SYNJ1: variants seen among roughly 807,000 people sequenced by gnomAD.
SYNJ1 encodes polyphosphatidylinositol phosphatase SYNJ1.
SYNJ1 carries 78 observed loss-of-function variants against 168.2 expected under a neutral mutation model. The observed-to-expected ratio is 0.46, with a 90% confidence interval of 0.39 to 0.56. The LOEUF (loss-of-function observed/expected upper bound fraction) is 0.56, where lower values mean the gene tolerates loss of function less well. SYNJ1 is among the 20% of genes least tolerant of loss of function. SYNJ1 has a pLI of 0.00. For synonymous variants in SYNJ1, 539 were observed against 548.6 expected, an observed-to-expected ratio of 0.98 and a Z score of 0.24; for missense variants, 1,303 against 1,597.6, an observed-to-expected ratio of 0.82 and a Z score of 3.14.
chr21:32,708,433 C>T (rs190578883), intron 2 of SYNJ1, among the ~76,000 whole-genome samples: 8 of 152,198 alleles, frequency 5.3e-5, no homozygotes, highest in South Asian at 2.1e-4. Flanking sequence ...ATTAAACAAA[C>T]GAGATGCTAG....
At chr21:32,673,218 A>C in intron 14 of SYNJ1, 122 bp downstream of exon 14, 1 of 809,456 alleles carries the variant, frequency 1.2e-6, no homozygotes, top group Non-Finnish European at 1.7e-6. Context: ...GTTGGTCTTC[A>C]AATGTATAGC....
intron 4 of SYNJ1, among the ~76,000 whole-genome samples, chr21:32,696,698 T>C (rs1006721466): frequency 2.6e-5 from 4 of 152,184 alleles, no homozygotes; most frequent in African/African-American, 9.7e-5. Context: ...TAGCATTATC[T>C]TGAAGACTCA....
chr21:32,701,216 C>T (rs1442905661), intron 3 of SYNJ1, among the ~76,000 whole-genome samples: 2 of 152,138 alleles, frequency 1.3e-5, no homozygotes, highest in Non-Finnish European at 1.5e-5. Context: ...TGACAAATCT[C>T]CATTTTATAG....
At chr21:32,661,547 G>T (rs187421528) in intron 18 of SYNJ1, among the ~76,000 whole-genome samples, 11 of 152,218 alleles carry the variant, frequency 7.2e-5, no homozygotes, top group African/African-American at 2.6e-4. Flanking sequence ...TCACATAACG[G>T]GCCGGTGTTT....
chr21:32,634,098 G>T (rs1273003427), intron 32 of SYNJ1, among the ~76,000 whole-genome samples: 1 of 152,212 alleles, frequency 6.6e-6, no homozygotes, highest in African/African-American at 2.4e-5. Flanking sequence ...TAGGAAAGGA[G>T]AATTTTGTGC....
chr21:32,725,430 T>C (rs1281173692), intron 2 of SYNJ1, among the ~76,000 whole-genome samples: 2 of 152,368 alleles, frequency 1.3e-5, no homozygotes, highest in East Asian at 1.9e-4. Context: ...TCCATACTGA[T>C]TGAGTATAGC....
intron 4 of SYNJ1, among the ~76,000 whole-genome samples, chr21:32,698,914 T>C (rs2042302012): frequency 6.6e-6 from 1 of 152,186 alleles, no homozygotes; most frequent in African/African-American, 2.4e-5. Flanking sequence ...GAAACGTGAG[T>C]AACACAGTTT....
chr21:32,696,120 G>A (rs888312606), intron 4 of SYNJ1, among the ~76,000 whole-genome samples: 4 of 152,120 alleles, frequency 2.6e-5, no homozygotes, highest in African/African-American at 9.7e-5. Flanking sequence ...CCAAAGTGCT[G>A]GGATTACAGG....
At chr21:32,714,544 A>C (rs2042954423) in intron 2 of SYNJ1, among the ~76,000 whole-genome samples, 1 of 152,196 alleles carries the variant, frequency 6.6e-6, no homozygotes, top group African/African-American at 2.4e-5. Flanking sequence ...TAGACTTGGT[A>C]ATAGAGAGAA....
intron 2 of SYNJ1, among the ~76,000 whole-genome samples, chr21:32,707,949 G>A (rs926057521): frequency 1.6e-4 from 25 of 152,234 alleles, no homozygotes; most frequent in African/African-American, 5.5e-4. Flanking sequence ...CCTGGGAGGC[G>A]GAGGTTGCAG....
Position 32,695,327 on chromosome 21 carries a change from A to T in SYNJ1, c.480-45T>A. 3 of 1,541,954 alleles carry T rather than the reference A, an allele frequency of 1.9e-6. No individual in the cohort carries two copies. In the South Asian group the frequency reaches 3.6e-5, roughly 18 times the overall value. On this transcript the variant is annotated intron_variant, in intron 4 of 32. Transcript: ENST00000674351. Reference sequence around the variant, plus strand: ...ATGATTAGCTTATGGAATACTAAGTAACAAAGTATGACTTTTAAAATAATC... The same window carrying T: ...ATGATTAGCTTATGGAATACTAAGTTACAAAGTATGACTTTTAAAATAATC...
chr21:32,668,634 C>T (rs2041055890), intron 15 of SYNJ1, among the ~76,000 whole-genome samples: 1 of 152,072 alleles, frequency 6.6e-6, no homozygotes, highest in African/African-American at 2.4e-5. Context: ...ATAATTTTCT[C>T]CTAAAAATCT....
intron 2 of SYNJ1, among the ~76,000 whole-genome samples, chr21:32,709,221 C>T (rs982937460): frequency 1.1e-4 from 16 of 151,962 alleles, no homozygotes; most frequent in African/African-American, 3.4e-4. Flanking sequence ...CACAGTGGCT[C>T]ACACCTATAA....
rs1198944340 is a variant in SYNJ1 at position 32,652,258 on chromosome 21, T to C, written c.2874+1030A>G. Among the ~76,000 whole-genome samples, 5 of 152,010 alleles carry C rather than the reference T, an allele frequency of 3.3e-5. No homozygotes were observed. In the South Asian group the frequency reaches 8.3e-4, roughly 25 times the overall value. On this transcript the variant is annotated intron_variant, in intron 22 of 32. Transcript: ENST00000674351. ...CTCTGTTGCCCAGGCTGGAGTGCACTGGTGCAATCTCGGCTCGCTGCAACC... is the reference window on the plus strand; with the variant it reads ...CTCTGTTGCCCAGGCTGGAGTGCACCGGTGCAATCTCGGCTCGCTGCAACC...
intron 18 of SYNJ1, among the ~76,000 whole-genome samples, chr21:32,658,954 G>A (rs1447381035): frequency 1.3e-5 from 2 of 152,216 alleles, no homozygotes; most frequent in African/African-American, 2.4e-5. Flanking sequence ...ATTTGGAACT[G>A]TAAATGGGAT....
At chr21:32,726,646 A>G in intron 2 of SYNJ1, 126 bp downstream of exon 2, 1 of 1,261,078 alleles carries the variant, frequency 7.9e-7, no homozygotes, top group Non-Finnish European at 1.1e-6. Flanking sequence ...AGGAAATACA[A>G]GCATAATCTG....
intron 6 of SYNJ1, among the ~76,000 whole-genome samples, chr21:32,691,635 A>T (rs113102474): frequency 2.0e-5 from 3 of 152,386 alleles, no homozygotes; most frequent in African/African-American, 7.2e-5. Flanking sequence ...ATCATAAGTA[A>T]GTTGCCAGCA....
chr21:32,697,012 C>A (rs181325902), intron 4 of SYNJ1, among the ~76,000 whole-genome samples: 2 of 152,318 alleles, frequency 1.3e-5, no homozygotes, highest in African/African-American at 4.8e-5. Context: ...CTGAGACCTA[C>A]GCCACAGCAA....
At chr21:32,698,819 T>C (rs1381377984) in intron 4 of SYNJ1, among the ~76,000 whole-genome samples, 1 of 152,184 alleles carries the variant, frequency 6.6e-6, no homozygotes, top group African/African-American at 2.4e-5. Context: ...ACCACCTACT[T>C]ATAACCTTAA....
Sources: allele counts gnomAD v4.1 joint callset (sites outside exome capture counted in the v4.1 genomes callset), GRCh38; gene constraint gnomAD v4.1.1; transcripts MANE v1.5; gene names NCBI Gene and HGNC (gene_info 2026-07-23, HGNC 2026-07-21).